Variants in DPY19L4 observed in about 807,000 individuals in gnomAD.
DPY19L4 encodes probable C-mannosyltransferase DPY19L4.
Under a neutral mutation model 102.8 loss-of-function variants are expected in DPY19L4, and 97 were observed. That is an observed-to-expected ratio of 0.94 (90% CI 0.80 to 1.12). The LOEUF (loss-of-function observed/expected upper bound fraction) is 1.12, where lower values mean the gene tolerates loss of function less well. Ranked by LOEUF, DPY19L4 falls within the 50% of genes most tolerant of loss-of-function variation. The probability of loss-of-function intolerance (pLI) is 0.00; values close to 1 mark genes in which losing one functional copy is unlikely to be tolerated. For synonymous variants in DPY19L4, 252 were observed against 283.1 expected, an observed-to-expected ratio of 0.89 and a Z score of 1.10; for missense variants, 815 against 850.4, an observed-to-expected ratio of 0.96 and a Z score of 0.52.
At chr8:94,734,793 C>G (rs1195699749) in intron 3 of DPY19L4, 39 bp downstream of exon 3, 1 of 1,611,402 alleles carries the variant, frequency 6.2e-7, no homozygotes, top group East Asian at 2.2e-5. Flanking sequence ...AAGTTATTTT[C>G]CCAGGGAACC....
At position 94,783,746 on chromosome 8, in the gene DPY19L4, A is replaced by G. The variant is rs745763406; in HGVS notation, c.1792A>G (p.Met598Val). ...MGAIKLCTGWMVTSLPLYNDD... is the reference protein window; with the variant it reads ...MGAIKLCTGWVVTSLPLYNDD... ...TGCGATTAAATTATGCACTGGATGGATGGTGACAAGTTTGCCTCTTTACAA... is the reference window on the plus strand; with the variant it reads ...TGCGATTAAATTATGCACTGGATGGGTGGTGACAAGTTTGCCTCTTTACAA... Residue 598 changes from methionine (M) to valine (V), a missense_variant, in exon 17 of 19, where the codon ATG (methionine) becomes GTG (valine). By Grantham distance (21) the Met-to-Val change is conservative (BLOSUM62 1). Coordinates refer to ENST00000414645, the MANE Select transcript of DPY19L4 (RefSeq NM_181787.3). 1.2e-6 allele frequency: 2 copies of G among 1,614,030 alleles called. No homozygotes were observed. The highest frequency in any genetic ancestry group is 4.5e-5 in the East Asian group (2 of 44,888).
intron 18 of DPY19L4, among the ~76,000 whole-genome samples, chr8:94,789,055 A>T (rs908516863): frequency 1.3e-5 from 2 of 152,112 alleles, no homozygotes; most frequent in Non-Finnish European, 2.9e-5. Flanking sequence ...GAATTTTATG[A>T]AGCCTCGGGT....
At position 94,721,023 on chromosome 8, in the gene DPY19L4, C is replaced by T. The variant is rs548672735; in HGVS notation, c.16+1009C>T. On this transcript the variant is annotated intron_variant, in intron 1 of 18. Transcript: ENST00000414645. ...GTGCAAAGGCGCGATCTCGGTTCAC[C>T]GCAACCTCCGCTTCCTGGATTCAAG... Among the ~76,000 whole-genome samples the T allele has an allele frequency of 3.9e-5, 6 of 152,176 alleles. No homozygotes were observed. In the South Asian group the frequency reaches 1.2e-3, roughly 32 times the overall value.
At chr8:94,734,220 A>G (rs149454859) in intron 2 of DPY19L4, among the ~76,000 whole-genome samples, 213 of 151,582 alleles carry the variant, frequency 1.4e-3, no homozygotes, top group African/African-American at 4.9e-3. Context: ...CACCACACCC[A>G]GCTAATTTTT....
Position 94,783,810 on chromosome 8 carries a change from A to G in DPY19L4, c.1848+8A>G, listed in dbSNP as rs763798963. The G allele has an allele frequency of 3.7e-6, 6 of 1,613,718 alleles. No individual in the cohort carries two copies. The highest frequency in any genetic ancestry group is 3.3e-5 in the South Asian group (3 of 90,990). On this transcript the variant is annotated splice_region_variant and intron_variant, in intron 17 of 18. Transcript: ENST00000414645. ...CTCAAGAGAAATGAAAATGTAAGAC[A>G]TTTTAAATTCTACATTTGGATCTCT...
intron 2 of DPY19L4, among the ~76,000 whole-genome samples, chr8:94,727,159 C>T (rs1810725896): frequency 6.6e-6 from 1 of 152,164 alleles, no homozygotes; most frequent in South Asian, 2.1e-4. Flanking sequence ...AGAACACCCC[C>T]ATGTTTGGTT....
chr8:94,747,726 T>A (rs1436225530), intron 6 of DPY19L4, among the ~76,000 whole-genome samples: 2 of 151,494 alleles, frequency 1.3e-5, no homozygotes, highest in African/African-American at 4.9e-5. Flanking sequence ...GCCTGGCTAA[T>A]TTTTTTTGTA....
At position 94,787,957 on chromosome 8, in the gene DPY19L4, G is replaced by T; in HGVS notation, c.1912G>T (p.Ala638Ser). The T allele has an allele frequency of 6.6e-7, 1 of 1,518,220 alleles. No individual in the cohort carries two copies. The allele number at this position is 1,518,220 out of a possible 1,614,324, so 94.0% of individuals were successfully genotyped here. A position where few individuals can be genotyped will look rare whatever the true frequency, so the allele number is the denominator to read the frequency against. Residue 638 changes from alanine to serine, a missense_variant, in exon 18 of 19, where the codon GCT becomes TCT. Ala to Ser is a moderately conservative substitution (Grantham distance 99). Coordinates refer to ENST00000414645, the MANE Select transcript of DPY19L4 (RefSeq NM_181787.3). ...DIYKILTSYK[A>S]NYLIVEDAIC... ...TTATAAAATACTGACATCTTACAAA[G>T]CTAATTACCTAATTGTAGAGGATGC...
intron 10 of DPY19L4, 52 bp from the exon 11 acceptor site, chr8:94,766,559 GT>G: frequency 6.5e-7 from 1 of 1,546,036 alleles, no homozygotes; most frequent in South Asian, 1.2e-5. Context: ...GAAAGCATAT[GT>G]TTGTAAGCAT....
At chr8:94,725,128 C>A (rs1810632979) in intron 1 of DPY19L4, among the ~76,000 whole-genome samples, 1 of 152,126 alleles carries the variant, frequency 6.6e-6, no homozygotes, top group African/African-American at 2.4e-5. Flanking sequence ...AGAGAACATC[C>A]ATCTGATCAG....
At chr8:94,768,110 A>G (rs1479714248) in intron 11 of DPY19L4, among the ~76,000 whole-genome samples, 1 of 152,172 alleles carries the variant, frequency 6.6e-6, no homozygotes, top group Non-Finnish European at 1.5e-5. Flanking sequence ...AAAGATAGAA[A>G]CCAAAATTCC....
intron 13 of DPY19L4, among the ~76,000 whole-genome samples, chr8:94,775,364 G>A (rs536989924): frequency 6.6e-6 from 1 of 152,004 alleles, no homozygotes; most frequent in Non-Finnish European, 1.5e-5. Flanking sequence ...TAGAGATGGG[G>A]TTTCACCTTG....
At chr8:94,776,026 CTTTTTTTTTTTTTT>C (rs1165180641) in intron 13 of DPY19L4, among the ~76,000 whole-genome samples, 2 of 81,502 alleles carry the variant, frequency 2.5e-5, no homozygotes, top group African/African-American at 4.9e-5. Context: ...ATTTTTAAAT[CTTTTTTTTTTTTTT>C]TTTTTTTTTT....
At chr8:94,781,007 C>T in intron 15 of DPY19L4, 77 bp from the exon 16 acceptor site, 3 of 1,229,930 alleles carry the variant, frequency 2.4e-6, no homozygotes, top group Non-Finnish European at 3.4e-6. Context: ...TTTTGAAATA[C>T]TGTGGAACAG....
chr8:94,770,544 T>A lies in DPY19L4; in HGVS notation c.1427T>A (p.Leu476Ter). The change falls in exon 13 of 19, where the codon TTG (leucine) becomes TAG (stop). Residue 476 changes from leucine (L) to a stop codon, truncating the protein, a stop_gained. Transcript: ENST00000414645. LOFTEE classifies it high-confidence loss of function. ...IIYHVIHTIL[L>*]GSLAMVIEGL... ...TATCATGTAATTCACACTATTTTAT[T>A]GGGTTCTCTTGCAATGGTTATAGAA... is the stretch of plus-strand genomic sequence containing the variant. 6.2e-7 allele frequency: 1 copy of A among 1,613,198 alleles called. No individual in the cohort carries two copies. The highest frequency in any genetic ancestry group is 1.7e-4 in the Middle Eastern group (1 of 6,058).
intron 16 of DPY19L4, among the ~76,000 whole-genome samples, chr8:94,781,589 G>C (rs548856943): frequency 6.6e-6 from 1 of 152,154 alleles, no homozygotes; most frequent in African/African-American, 2.4e-5. Context: ...CAGGGAATTG[G>C]AATTGAGAAC....
intron 13 of DPY19L4, among the ~76,000 whole-genome samples, chr8:94,776,615 TTG>T (rs1199315376): frequency 7.5e-4 from 106 of 140,422 alleles, no homozygotes; most frequent in African/African-American, 3.0e-3. Context: ...GTTTTTTTTG[TTG>T]TTGTTGTTGT....
chr8:94,760,966 G>A (rs1812370371), intron 7 of DPY19L4, among the ~76,000 whole-genome samples: 1 of 152,164 alleles, frequency 6.6e-6, no homozygotes, highest in Non-Finnish European at 1.5e-5. Context: ...TACAGGCATT[G>A]GGGAAAGATA....
intron 8 of DPY19L4, among the ~76,000 whole-genome samples, chr8:94,762,370 G>C (rs771518341): frequency 1.8e-4 from 28 of 152,246 alleles, no homozygotes; most frequent in Non-Finnish European, 2.5e-4. Context: ...GCATCCTTGA[G>C]GTGAGATCAC....
Sources: allele counts gnomAD v4.1 joint callset (sites outside exome capture counted in the v4.1 genomes callset), GRCh38; gene constraint gnomAD v4.1.1; transcripts MANE v1.5; gene names NCBI Gene and HGNC (gene_info 2026-07-23, HGNC 2026-07-21).